MAGI3: variants seen among roughly 807,000 people sequenced by gnomAD.
MAGI3 encodes the protein membrane associated guanylate kinase, WW and PDZ domain containing 3, also known as membrane-associated guanylate kinase, WW and PDZ domain-containing protein 3.
MAGI3 carries 43 observed loss-of-function variants against 121.8 expected under a neutral mutation model. The observed-to-expected ratio is 0.35, with a 90% CI of 0.28 to 0.46. MAGI3 has a LOEUF of 0.46. Ranked by LOEUF, MAGI3 falls within the 20% of genes least tolerant of loss-of-function variation. MAGI3 has a pLI of 1.00. For synonymous variants in MAGI3, 553 were observed against 639.3 expected, an observed-to-expected ratio of 0.86 and a Z score of 2.04; for missense variants, 1,547 against 1,797.3, an observed-to-expected ratio of 0.86 and a Z score of 2.52.
At chr1:113,417,287 A>G (rs973394803) in intron 1 of MAGI3, among the ~76,000 whole-genome samples, 2 of 152,122 alleles carry the variant, frequency 1.3e-5, no homozygotes, top group African/African-American at 4.8e-5. Context: ...TGAGAATGCA[A>G]TTTCACCTTA....
intron 1 of MAGI3, among the ~76,000 whole-genome samples, chr1:113,459,528 AT>A (rs1401697625): frequency 1.3e-5 from 2 of 152,194 alleles, no homozygotes; most frequent in African/African-American, 4.8e-5. Flanking sequence ...CATATTGTAC[AT>A]TCATTCCTTC....
chr1:113,543,953 T>G (rs1465561178), intron 1 of MAGI3, among the ~76,000 whole-genome samples: 1 of 152,016 alleles, frequency 6.6e-6, no homozygotes, highest in Non-Finnish European at 1.5e-5. Flanking sequence ...ACTAAATCAA[T>G]AAAAATAAAC....
chr1:113,637,554 G>A (rs1375578119), intron 9 of MAGI3, among the ~76,000 whole-genome samples: 4 of 152,142 alleles, frequency 2.6e-5, no homozygotes, highest in Non-Finnish European at 4.4e-5. Flanking sequence ...GTTGAATATC[G>A]GCCCCCACTC....
intron 1 of MAGI3, among the ~76,000 whole-genome samples, chr1:113,455,269 C>T (rs1445494901): frequency 6.6e-6 from 1 of 151,980 alleles, no homozygotes; most frequent in Non-Finnish European, 1.5e-5. Context: ...GGGAGAGATC[C>T]TAAATAGTGT....
intron 9 of MAGI3, among the ~76,000 whole-genome samples, chr1:113,632,407 C>T (rs1651690606): frequency 6.6e-6 from 1 of 152,092 alleles, no homozygotes. Flanking sequence ...ATTCTGGGAG[C>T]TTTAATACCA....
At chr1:113,522,719 A>T (rs1382492269) in intron 1 of MAGI3, among the ~76,000 whole-genome samples, 1 of 152,226 alleles carries the variant, frequency 6.6e-6, no homozygotes, top group Non-Finnish European at 1.5e-5. Context: ...AAGTATCCAC[A>T]TACCCTTTGC....
intron 1 of MAGI3, among the ~76,000 whole-genome samples, chr1:113,517,121 A>G (rs1395952699): frequency 2.0e-5 from 3 of 151,740 alleles, no homozygotes; most frequent in African/African-American, 4.8e-5. Flanking sequence ...GGAAAAGGGG[A>G]AAAAAAACTT....
chr1:113,434,945 T>C (rs1653491664), intron 1 of MAGI3, among the ~76,000 whole-genome samples: 1 of 152,230 alleles, frequency 6.6e-6, no homozygotes, highest in Non-Finnish European at 1.5e-5. Flanking sequence ...CATGAGCCTT[T>C]TAATGTTATA....
intron 19 of MAGI3, among the ~76,000 whole-genome samples, chr1:113,674,157 C>T (rs886139264): frequency 6.6e-6 from 1 of 152,004 alleles, no homozygotes; most frequent in Non-Finnish European, 1.5e-5. Context: ...TTTGGGAGGC[C>T]GAGGTGGGCA....
At chr1:113,560,908 A>G (rs192937665) in intron 2 of MAGI3, among the ~76,000 whole-genome samples, 3 of 152,196 alleles carry the variant, frequency 2.0e-5, no homozygotes, top group African/African-American at 7.2e-5. Context: ...TCAAATAAAC[A>G]CAATCAGAAA....
intron 1 of MAGI3, among the ~76,000 whole-genome samples, chr1:113,521,172 C>T (rs1039343292): frequency 1.1e-4 from 16 of 151,090 alleles, no homozygotes; most frequent in South Asian, 2.1e-4. Context: ...CTGCAACCTC[C>T]GCCTCCCGGG....
At chr1:113,639,431 C>T (rs1652301022) in intron 9 of MAGI3, among the ~76,000 whole-genome samples, 1 of 152,194 alleles carries the variant, frequency 6.6e-6, no homozygotes, top group Non-Finnish European at 1.5e-5. Context: ...GACCAAATCT[C>T]ACTCTTGTCA....
intron 1 of MAGI3, among the ~76,000 whole-genome samples, chr1:113,542,138 CCCAAGA>C (rs945281274): frequency 1.1e-4 from 17 of 152,072 alleles, no homozygotes; most frequent in African/African-American, 4.1e-4. Flanking sequence ...GGGGATATGT[CCCAAGA>C]CCCCCCAGTG....
intron 1 of MAGI3, among the ~76,000 whole-genome samples, chr1:113,505,513 A>G (rs1485667939): frequency 6.9e-4 from 1 of 1,444 alleles, no homozygotes; most frequent in African/African-American, 9.8e-4. Flanking sequence ...GTCCCTACAT[A>G]ATAAATAAAT....
intron 1 of MAGI3, among the ~76,000 whole-genome samples, chr1:113,417,957 ATCAGTTTTTC>A (rs1652539381): frequency 6.6e-6 from 1 of 152,168 alleles, no homozygotes; most frequent in Admixed American, 6.6e-5. Context: ...ACCAAGTTTT[ATCAGTTTTTC>A]TTTCTTTATA....
At chr1:113,657,371 C>G (rs1472591531) in intron 15 of MAGI3, among the ~76,000 whole-genome samples, 1 of 152,214 alleles carries the variant, frequency 6.6e-6, no homozygotes, top group Non-Finnish European at 1.5e-5. Flanking sequence ...AAGACAGTAA[C>G]AATCTGACTG....
At chr1:113,440,752 A>G (rs1244122048) in intron 1 of MAGI3, among the ~76,000 whole-genome samples, 2 of 152,210 alleles carry the variant, frequency 1.3e-5, no homozygotes, top group Non-Finnish European at 2.9e-5. Flanking sequence ...CTATGTGATG[A>G]CATAGCACTG....
intron 1 of MAGI3, among the ~76,000 whole-genome samples, chr1:113,392,969 G>A (rs1003124374): frequency 6.6e-6 from 1 of 152,082 alleles, no homozygotes; most frequent in African/African-American, 2.4e-5. Flanking sequence ...TTTGTGTTTT[G>A]TTTTGATTCG....
intron 11 of MAGI3, among the ~76,000 whole-genome samples, chr1:113,644,310 T>G (rs1652713782): frequency 1.3e-5 from 2 of 152,304 alleles, no homozygotes; most frequent in African/African-American, 4.8e-5. Flanking sequence ...AGACGGAGTC[T>G]TGCTCTGTCG....
Sources: gnomAD v4.1 joint callset for allele counts (sites outside exome capture counted in the v4.1 genomes callset) on GRCh38, gnomAD v4.1.1 for gene constraint, MANE v1.5 for transcripts, NCBI Gene and HGNC (gene_info 2026-07-23, HGNC 2026-07-21) for gene names.